The following LIPA variants were observed in gnomAD, a reference collection of about 807,000 sequenced individuals.
LIPA encodes lipase A, lysosomal acid type, also known as lysosomal acid lipase/cholesteryl ester hydrolase.
LIPA carries 26 observed loss-of-function variants against 40.6 expected under a neutral mutation model. The ratio of observed to expected loss-of-function variants is 0.64; its 90% CI spans 0.47 to 0.89. The LOEUF is 0.89. Among genes scored for constraint, LIPA ranks in the 40% least tolerant of loss-of-function variants. The probability of loss-of-function intolerance (pLI) is 0.00; values close to 1 mark genes in which losing one functional copy is unlikely to be tolerated. For missense variants in LIPA, 455 were observed against 479.6 expected (o/e 0.95, Z 0.48); for synonymous variants, 188 against 168.4 (o/e 1.12, Z -0.90).
At chr10:89,217,304 G>A (rs920398627) in intron 8 of LIPA, among the ~76,000 whole-genome samples, 1 of 152,218 alleles carries the variant, frequency 6.6e-6, no homozygotes, top group Non-Finnish European at 1.5e-5. Context: ...TACTATAGGG[G>A]ATTGTTACAG....
At chr10:89,292,930 T>A (rs970384280) in intron 1 of LIPA, among the ~76,000 whole-genome samples, 58 of 152,038 alleles carry the variant, frequency 3.8e-4, no homozygotes, top group African/African-American at 1.4e-3. Context: ...ATTACAGACA[T>A]GAGCCACTGT....
intron 1 of LIPA, among the ~76,000 whole-genome samples, chr10:89,295,055 G>A (rs1006680755): frequency 2.1e-5 from 3 of 146,130 alleles, no homozygotes; most frequent in Non-Finnish European, 4.5e-5. Context: ...GGAAAGGAAA[G>A]GAAAGGAAAG....
At chr10:89,338,389 A>G (rs967065724) in intron 1 of LIPA, 2 of 360,256 alleles carry the variant, frequency 5.6e-6, no homozygotes, top group Non-Finnish European at 1.0e-5. Context: ...CAGAGGGAGA[A>G]TTCTCCCTTC....
At chr10:89,361,525 A>C (rs1427562983) in intron 2 of LIPA, among the ~76,000 whole-genome samples, 1 of 152,106 alleles carries the variant, frequency 6.6e-6, no homozygotes, top group Non-Finnish European at 1.5e-5. Flanking sequence ...TGCTTTTTTG[A>C]TGCATGTCAT....
chr10:89,308,193 TA>T (rs1252537362), intron 1 of LIPA: 3 of 151,906 alleles, frequency 2.0e-5, no homozygotes, highest in Non-Finnish European at 4.4e-5. Flanking sequence ...TGTGAAAAAA[TA>T]AATGTTCCAC....
intron 1 of LIPA, among the ~76,000 whole-genome samples, chr10:89,311,524 C>CAAAA (rs36010336): frequency 2.0e-4 from 15 of 73,654 alleles, no homozygotes; most frequent in Non-Finnish European, 2.8e-4. Flanking sequence ...GACCCTGTCT[C>CAAAA]AAAAAAAAAA....
chr10:89,299,211 C>G (rs976812658), intron 1 of LIPA, among the ~76,000 whole-genome samples: 1 of 151,092 alleles, frequency 6.6e-6, no homozygotes, highest in Admixed American at 6.6e-5. Context: ...ACAAAATATA[C>G]AAGAAGCTTC....
At chr10:89,297,441 T>C (rs1410227258) in intron 1 of LIPA, among the ~76,000 whole-genome samples, 1 of 152,094 alleles carries the variant, frequency 6.6e-6, no homozygotes, top group Non-Finnish European at 1.5e-5. Flanking sequence ...CATATCTCCA[T>C]ATCCCAGGAG....
At chr10:89,332,550 G>A in intron 1 of LIPA, 2 of 1,613,664 alleles carry the variant, frequency 1.2e-6, no homozygotes, top group Non-Finnish European at 1.7e-6. Flanking sequence ...TTCAGCATTT[G>A]CTTGGAATCA....
At chr10:89,360,943 C>T (rs936787697) in intron 2 of LIPA, among the ~76,000 whole-genome samples, 3 of 152,176 alleles carry the variant, frequency 2.0e-5, no homozygotes, top group African/African-American at 7.2e-5. Context: ...CTCTTAGGTG[C>T]CATGCTCTCT....
intron 2 of LIPA, among the ~76,000 whole-genome samples, chr10:89,370,270 G>A (rs950386563): frequency 4.0e-5 from 6 of 151,650 alleles, no homozygotes; most frequent in Non-Finnish European, 7.4e-5. Context: ...TGTTGCCCAG[G>A]CTGGAGTGCT....
At chr10:89,380,978 A>C (rs752472770) in intron 2 of LIPA, among the ~76,000 whole-genome samples, 5 of 152,188 alleles carry the variant, frequency 3.3e-5, no homozygotes, top group Admixed American at 6.5e-5. Context: ...AGATTGTGTA[A>C]ATTGTGCACT....
At chr10:89,302,244 T>G in intron 1 of LIPA, 1 of 1,047,272 alleles carries the variant, frequency 9.5e-7, no homozygotes, top group Non-Finnish European at 1.5e-6. Flanking sequence ...GTTTATAGCC[T>G]TACTATGCCT....
intron 2 of LIPA, among the ~76,000 whole-genome samples, chr10:89,365,823 T>TA (rs753485441): frequency 1.9e-4 from 29 of 152,378 alleles, no homozygotes; most frequent in East Asian, 9.6e-4. Flanking sequence ...TCTGTTTTGG[T>TA]AAAAGTACCA....
rs1355709330 is a variant in LIPA at position 89,214,842 on chromosome 10, T to G, written c.1186A>C (p.Arg396=). Residue 396 remains arginine (R), a synonymous_variant, in exon 10 of 10, where the codon AGG becomes CGG. Coordinates refer to ENST00000336233, the MANE Select transcript of LIPA (RefSeq NM_000235.4). ...RLYNKIINLM[R]KYQ ...AAGTCCAGCTTTCACTGATATTTCC[T>G]CATTAGATTAATAATTTTATTATAA... 1 of 1,591,276 alleles carries G rather than the reference T, an allele frequency of 6.3e-7. No individual in the cohort carries two copies. Among genetic ancestry groups the G allele is most frequent in the Admixed American group, 1.7e-5 (1 of 59,972 alleles).
At chr10:89,344,407 A>G (rs1843898656), upstream of LIPA, among the ~76,000 whole-genome samples, 1 of 152,230 alleles carries the variant, frequency 6.6e-6, no homozygotes, top group Non-Finnish European at 1.5e-5. Context: ...ACATTGTATC[A>G]TAGAACTCAC....
intron 1 of LIPA, among the ~76,000 whole-genome samples, chr10:89,273,017 T>C (rs1843273500): frequency 6.6e-6 from 1 of 152,178 alleles, no homozygotes; most frequent in Non-Finnish European, 1.5e-5. Flanking sequence ...TTGCAAAAAG[T>C]TTCTCCCATT....
At chr10:89,246,223 G>C (rs1038643875) in intron 2 of LIPA, among the ~76,000 whole-genome samples, 4 of 152,102 alleles carry the variant, frequency 2.6e-5, no homozygotes, top group African/African-American at 7.2e-5. Context: ...ATATTAACTT[G>C]TTTTTATCAA....
At chr10:89,403,341 C>A in intron 2 of LIPA, 1 of 1,612,996 alleles carries the variant, frequency 6.2e-7, no homozygotes, top group Non-Finnish European at 8.5e-7. Context: ...AGCAGGCAAT[C>A]ACAGAAAAGC....
Sources: gnomAD v4.1 joint callset for allele counts (sites outside exome capture counted in the v4.1 genomes callset) on GRCh38, gnomAD v4.1.1 for gene constraint, MANE v1.5 for transcripts, NCBI Gene and HGNC (gene_info 2026-07-23, HGNC 2026-07-21) for gene names.